ATP13A4: variants seen among roughly 807,000 people sequenced by gnomAD.
The protein encoded by ATP13A4 is probable cation-transporting ATPase 13A4.
A neutral mutation model predicts 142.5 loss-of-function variants in ATP13A4; 114 were observed. The observed-to-expected ratio is 0.80, with a 90% confidence interval of 0.69 to 0.93. ATP13A4 has a LOEUF of 0.93. ATP13A4 is among the 40% of genes least tolerant of loss of function. The pLI, the probability that ATP13A4 is intolerant of heterozygous loss-of-function variation, is 0.00. For missense variants in ATP13A4, 1,392 were observed against 1,454.0 expected (o/e 0.96, Z 0.69); for synonymous variants, 488 against 514.8 (o/e 0.95, Z 0.70).
intron 1 of ATP13A4, among the ~76,000 whole-genome samples, chr3:193,535,659 C>T (rs1336348681): frequency 6.6e-6 from 1 of 151,514 alleles, no homozygotes; most frequent in Non-Finnish European, 1.5e-5. Context: ...CCAAGGTGAG[C>T]AGAACAAAGA....
chr3:193,534,068 G>C (rs1225542845), intron 1 of ATP13A4, among the ~76,000 whole-genome samples: 1 of 152,174 alleles, frequency 6.6e-6, no homozygotes, highest in Non-Finnish European at 1.5e-5. Context: ...AATTCTTAAA[G>C]CTAGAGAGGT....
intron 17 of ATP13A4, among the ~76,000 whole-genome samples, chr3:193,451,321 C>A (rs1477866296): frequency 1.3e-5 from 2 of 152,192 alleles, no homozygotes; most frequent in Admixed American, 6.5e-5. Context: ...TCTGCCATAG[C>A]CTATAGCCTA....
chr3:193,571,970 T>C (rs536306886), intron 2 of ATP13A4, among the ~76,000 whole-genome samples: 98 of 152,278 alleles, frequency 6.4e-4, no homozygotes, highest in African/African-American at 2.3e-3. Flanking sequence ...TTGTAATAAA[T>C]GCACCATACT....
intron 1 of ATP13A4, among the ~76,000 whole-genome samples, chr3:193,546,580 T>G (rs576972126): frequency 6.6e-6 from 1 of 152,290 alleles, no homozygotes; most frequent in East Asian, 1.9e-4. Flanking sequence ...AGAGGTGAAG[T>G]GCTGCATGGT....
chr3:193,560,420 G>A (rs532944462), intron 2 of ATP13A4, among the ~76,000 whole-genome samples: 88 of 152,162 alleles, frequency 5.8e-4, no homozygotes, highest in Non-Finnish European at 1.0e-4. Context: ...TGTTGCCCAG[G>A]CTGGTCTTGA....
In ATP13A4 at chr3:193,412,610, T is replaced by TGAGAGA. The variant is rs372985489; in HGVS notation, c.3015-245_3015-240dup. On this transcript the variant is annotated intron_variant, in intron 26 of 29. Coordinates refer to ENST00000342695, the MANE Select transcript of ATP13A4 (RefSeq NM_032279.4). ...AGATAGACCCGTATTTTGGATACAT[T>TGAGAGA]GAGAGAGAGAGAGAGAGACAGAGAG... Among the ~76,000 whole-genome samples the TGAGAGA allele has an allele frequency of 2.3e-3, 321 of 137,376 alleles. 2 individuals are homozygous for TGAGAGA. Among genetic ancestry groups the TGAGAGA allele is most frequent in the African/African-American group, 8.5e-3 (317 of 37,464 alleles). 90.1% of individuals were successfully genotyped at this position (137,376 alleles called of 152,430 possible).
At chr3:193,569,622 G>A (rs1724215974) in intron 2 of ATP13A4, among the ~76,000 whole-genome samples, 1 of 151,792 alleles carries the variant, frequency 6.6e-6, no homozygotes, top group Non-Finnish European at 1.5e-5. Flanking sequence ...CAACCTCCCG[G>A]GCTCAAGCAG....
chr3:193,582,728 TAA>T lies in ATP13A4; in HGVS notation n.92-824_92-823del, dbSNP rs1344179275. ...ATAATATATATGTATATTACATATA[TAA>T]AATATATATGTATAATACATATATA... On this transcript the variant is annotated intron_variant and non_coding_transcript_variant, in intron 1 of 3. Coordinates refer to the ATP13A4 transcript ENST00000489140. 2.6e-4 allele frequency among the ~76,000 whole-genome samples: 12 copies of T among 45,302 alleles called. 2 individuals carry two copies. Among genetic ancestry groups the T allele is most frequent in the Admixed American group, 1.7e-3 (5 of 2,970 alleles). The allele number at this position is 45,302 out of a possible 152,430, so 29.7% of individuals were successfully genotyped here. A position where few individuals can be genotyped will look rare whatever the true frequency, so the allele number is the denominator to read the frequency against.
At chr3:193,431,081 G>A (rs1715947409) in intron 25 of ATP13A4, among the ~76,000 whole-genome samples, 2 of 151,984 alleles carry the variant, frequency 1.3e-5, no homozygotes, top group South Asian at 4.1e-4. Flanking sequence ...TGTGATGGGT[G>A]AAGAAACAAG....
At chr3:193,456,957 G>A (rs555154431) in intron 16 of ATP13A4, 43 bp downstream of exon 16, 1 of 1,577,868 alleles carries the variant, frequency 6.3e-7, no homozygotes, top group African/African-American at 1.3e-5. Flanking sequence ...TATTTATCTG[G>A]AGATACAGAT....
upstream of ATP13A4, among the ~76,000 whole-genome samples, chr3:193,556,003 A>T (rs1364228309): frequency 1.3e-5 from 2 of 152,222 alleles, no homozygotes; most frequent in African/African-American, 4.8e-5. Flanking sequence ...TTATTAAACT[A>T]AATGTGCATT....
chr3:193,544,072 G>T (rs1364579996), intron 1 of ATP13A4, among the ~76,000 whole-genome samples: 1 of 152,156 alleles, frequency 6.6e-6, no homozygotes, highest in Non-Finnish European at 1.5e-5. Flanking sequence ...AGGTCTGAAG[G>T]AGGTGACTAA....
intron 2 of ATP13A4, among the ~76,000 whole-genome samples, chr3:193,567,186 A>C (rs1268667988): frequency 3.3e-5 from 5 of 152,208 alleles, no homozygotes; most frequent in African/African-American, 1.2e-4. Context: ...TTAAATATTA[A>C]ATGAAAAACA....
intron 2 of ATP13A4, among the ~76,000 whole-genome samples, chr3:193,513,715 A>C (rs185935509): frequency 6.6e-6 from 1 of 152,318 alleles, no homozygotes; most frequent in Non-Finnish European, 1.5e-5. Flanking sequence ...GCTTTTATTA[A>C]CAGAGAGAGG....
At chr3:193,515,268 T>C (rs1412360778) in intron 1 of ATP13A4, among the ~76,000 whole-genome samples, 1 of 152,158 alleles carries the variant, frequency 6.6e-6, no homozygotes, top group Non-Finnish European at 1.5e-5. Context: ...AATGGGATGA[T>C]GTGCCCAAGG....
At chr3:193,528,903 C>T (rs1722159684) in intron 1 of ATP13A4, among the ~76,000 whole-genome samples, 1 of 152,038 alleles carries the variant, frequency 6.6e-6, no homozygotes, top group Non-Finnish European at 1.5e-5. Flanking sequence ...GAGCTTTTAG[C>T]TCTTCTAATA....
intron 1 of ATP13A4, among the ~76,000 whole-genome samples, chr3:193,535,764 C>T (rs1257970497): frequency 2.0e-5 from 3 of 151,612 alleles, no homozygotes; most frequent in East Asian, 1.9e-4. Flanking sequence ...TATTGACAAA[C>T]CACTGGCAAG....
At chr3:193,447,911 G>A (rs943543321) in intron 18 of ATP13A4, among the ~76,000 whole-genome samples, 7 of 152,026 alleles carry the variant, frequency 4.6e-5, no homozygotes, top group Non-Finnish European at 8.8e-5. Flanking sequence ...GTCACATCTC[G>A]GAGAGGCATC....
At position 193,440,621 on chromosome 3, in the gene ATP13A4, G is replaced by C; in HGVS notation, c.2456C>G (p.Thr819Ser). ...SLLPKILING[T>S]IFARMSPGQK... is the part of the protein sequence containing the mutation. ...CCCAGGAGACATTCTTGCAAAGATG[G>C]TCCCATTGATCAATATCTGTAAGGA... Residue 819 changes from threonine to serine, a missense_variant, in exon 21 of 30, where the codon ACC (threonine) becomes AGC (serine). Coordinates refer to ENST00000342695, the MANE Select transcript of ATP13A4 (RefSeq NM_032279.4). 6.2e-7 allele frequency: 1 copy of C among 1,613,972 alleles called. No homozygotes were observed. The highest frequency in any genetic ancestry group is 8.5e-7 in the Non-Finnish European group (1 of 1,179,902).
Sources: allele counts gnomAD v4.1 joint callset (sites outside exome capture counted in the v4.1 genomes callset), GRCh38; gene constraint gnomAD v4.1.1; transcripts MANE v1.5; gene names NCBI Gene and HGNC (gene_info 2026-07-23, HGNC 2026-07-21).